The following DCAF6 variants were observed in gnomAD, a reference collection of about 807,000 sequenced individuals.
DCAF6 encodes DDB1 and CUL4 associated factor 6.
A neutral mutation model predicts 125.1 loss-of-function variants in DCAF6; 54 were observed. The ratio of observed to expected loss-of-function variants is 0.43; its 90% CI spans 0.35 to 0.54. DCAF6 has a LOEUF of 0.54. Among genes scored for constraint, DCAF6 ranks in the 20% least tolerant of loss-of-function variants. DCAF6 has a pLI of 0.01. For missense variants in DCAF6, 934 were observed against 1,161.7 expected (o/e 0.80, Z 2.85); for synonymous variants, 371 against 390.4 (o/e 0.95, Z 0.58).
At chr1:168,004,025 T>C in intron 9 of DCAF6, 36 bp downstream of exon 9, 2 of 1,597,664 alleles carry the variant, frequency 1.3e-6, no homozygotes, top group Non-Finnish European at 1.7e-6. Context: ...ATCAGAAAGC[T>C]GGCAAAAACT....
At chr1:168,068,053 C>T (rs1482638845) in intron 20 of DCAF6, among the ~76,000 whole-genome samples, 1 of 152,274 alleles carries the variant, frequency 6.6e-6, no homozygotes, top group Non-Finnish European at 1.5e-5. Flanking sequence ...AAGTAAATGG[C>T]TCTGAGAAGC....
At chr1:167,875,739 A>G in the DCAF6 span, among the ~76,000 whole-genome samples, 1 of 151,950 alleles carries the variant, frequency 6.6e-6, no homozygotes. Context: ...TCACGAGGTC[A>G]GGAGATCGAG....
chr1:167,912,354 T>C, the DCAF6 span, among the ~76,000 whole-genome samples: 1 of 152,200 alleles, frequency 6.6e-6, no homozygotes, highest in Non-Finnish European at 1.5e-5. Context: ...CCACCCAACA[T>C]GGCGATTCCG....
chr1:168,056,051 A>G (rs557810834), intron 17 of DCAF6: 3 of 1,593,394 alleles, frequency 1.9e-6, no homozygotes, highest in Admixed American at 3.3e-5. Context: ...CAAGAGCTTC[A>G]TTAATTTCAG....
At position 167,949,623 on chromosome 1, in the gene DCAF6, G is replaced by T. The variant is rs115549576; in HGVS notation, c.98-2177G>T. ...TTACAGGAAGAACCAATGTAAACCT[G>T]AAGCTCATACTGCTTGCCATACATG... On this transcript the variant is annotated intron_variant, in intron 1 of 21. Transcript: ENST00000367840. Among the ~76,000 whole-genome samples the T allele has an allele frequency of 2.0e-3, 298 of 152,296 alleles. 1 individual carries two copies. Among genetic ancestry groups the T allele is most frequent in the African/African-American group, 6.9e-3 (288 of 41,568 alleles).
At chr1:168,054,064 T>TA (rs1690289103) in intron 17 of DCAF6, among the ~76,000 whole-genome samples, 1 of 152,220 alleles carries the variant, frequency 6.6e-6, no homozygotes, top group Non-Finnish European at 1.5e-5. Context: ...TTATTTCAGA[T>TA]ACTTGTAAAG....
Position 168,039,286 on chromosome 1 carries a change from T to C in DCAF6, c.1727+798T>C, listed in dbSNP as rs1688202865. ...TTACTGTCTCCAGGCTAGTGTTCAATATATTTATTTATTTTTAACTTCTAT... is the reference window on the plus strand; with the variant it reads ...TTACTGTCTCCAGGCTAGTGTTCAACATATTTATTTATTTTTAACTTCTAT... On this transcript the variant is annotated intron_variant, in intron 13 of 21. Transcript: ENST00000367840. Among the ~76,000 whole-genome samples, 2 of 151,926 alleles carry C rather than the reference T, an allele frequency of 1.3e-5. 1 individual carries two copies. The highest frequency in any genetic ancestry group is 1.3e-4 in the Admixed American group (2 of 15,262).
chr1:168,031,548 A>G (rs1178700009), intron 12 of DCAF6, among the ~76,000 whole-genome samples: 2 of 152,222 alleles, frequency 1.3e-5, no homozygotes, highest in Admixed American at 6.5e-5. Flanking sequence ...ATTCAAAACA[A>G]TAAGCTAGGA....
chr1:167,942,958 G>A (rs897366103), intron 1 of DCAF6, among the ~76,000 whole-genome samples: 12 of 152,168 alleles, frequency 7.9e-5, no homozygotes, highest in African/African-American at 2.7e-4. Context: ...CCAGGCTGGA[G>A]TGCAGTGGCT....
chr1:167,995,246 G>A (rs1681477765), intron 7 of DCAF6, among the ~76,000 whole-genome samples: 1 of 152,170 alleles, frequency 6.6e-6, no homozygotes, highest in African/African-American at 2.4e-5. Context: ...TGATACCATG[G>A]AATACTTAGC....
chr1:168,005,836 A>T (rs536769833), intron 10 of DCAF6, among the ~76,000 whole-genome samples: 4 of 152,298 alleles, frequency 2.6e-5, no homozygotes, highest in African/African-American at 9.6e-5. Context: ...ATAACTGTTA[A>T]CACTGTATAC....
the DCAF6 span, among the ~76,000 whole-genome samples, chr1:167,894,619 A>ATGTGTG: frequency 1.3e-5 from 2 of 151,348 alleles, no homozygotes; most frequent in Admixed American, 6.6e-5. Flanking sequence ...GTGAAAAAAA[A>ATGTGTG]TGTGTGTGTG....
At chr1:167,944,756 G>T (rs1226916444) in intron 1 of DCAF6, among the ~76,000 whole-genome samples, 1 of 152,144 alleles carries the variant, frequency 6.6e-6, no homozygotes, top group African/African-American at 2.4e-5. Context: ...CAACAGGATT[G>T]GTTGTCTCTT....
At position 168,056,155 on chromosome 1, in the gene DCAF6, C is replaced by T. The variant is rs1372017636; in HGVS notation, c.2300+5222C>T. The T allele has an allele frequency of 4.7e-5, 76 of 1,600,968 alleles. 2 individuals carry two copies. In the African/African-American group the frequency reaches 5.9e-4, roughly 12 times the overall value. ...TCTTGTTTGTTCAATTTTGTCCCAA[C>T]TTCAGGGAGACTACAATAAACAACA... On this transcript the variant is annotated intron_variant, in intron 17 of 21. Coordinates refer to ENST00000367840, the MANE Select transcript of DCAF6 (RefSeq NM_001198956.2).
At chr1:167,937,971 CAAGTA>C (rs1169132954) in intron 1 of DCAF6, among the ~76,000 whole-genome samples, 30 of 152,088 alleles carry the variant, frequency 2.0e-4, no homozygotes, top group African/African-American at 7.0e-4. Context: ...TTTTTGATTT[CAAGTA>C]AAGAGAAGAA....
In DCAF6 at chr1:167,974,841, A is replaced by C. The variant is rs772986076; in HGVS notation, c.264A>C (p.Thr88=). 6.5e-7 allele frequency: 1 copy of C among 1,533,168 alleles called. No individual in the cohort carries two copies. The highest frequency in any genetic ancestry group is 8.8e-7 in the Non-Finnish European group (1 of 1,141,476). The allele number at this position is 1,533,168 out of a possible 1,614,324, so 95.0% of individuals were successfully genotyped here. A position where few individuals can be genotyped will look rare whatever the true frequency, so the allele number is the denominator to read the frequency against. The change falls in exon 4 of 22, where the codon ACA becomes ACC. Residue 88 remains threonine, a synonymous_variant. Coordinates refer to ENST00000367840, the MANE Select transcript of DCAF6 (RefSeq NM_001198956.2). ...SNPYSRKVLT[T]IRSGHRANIF... ...TTTGTGTGTTTTAGGTTTTGACAAC[A>C]ATTCGTTCAGGGCACCGAGCAAACA...
intron 21 of DCAF6, among the ~76,000 whole-genome samples, chr1:168,074,122 T>TA (rs1693507410): frequency 6.6e-6 from 1 of 151,852 alleles, no homozygotes; most frequent in Non-Finnish European, 1.5e-5. Flanking sequence ...GACATTGGAT[T>TA]AGAGTTGGCA....
At chr1:167,935,943 C>T, upstream of DCAF6, 2 of 876,108 alleles carry the variant, frequency 2.3e-6, no homozygotes, top group Non-Finnish European at 3.7e-6. Context: ...CACGACGACT[C>T]GCGTCCGCCT....
chr1:167,981,293 G>C (rs2102941542), intron 4 of DCAF6, among the ~76,000 whole-genome samples: 1 of 152,246 alleles, frequency 6.6e-6, no homozygotes, highest in South Asian at 2.1e-4. Context: ...TGCATATGTA[G>C]GGTAAGGGTC....
Sources: allele counts gnomAD v4.1 joint callset (sites outside exome capture counted in the v4.1 genomes callset), GRCh38; gene constraint gnomAD v4.1.1; transcripts MANE v1.5; gene names NCBI Gene and HGNC (gene_info 2026-07-23, HGNC 2026-07-21).